Variants in OIP5 observed in about 807,000 individuals in gnomAD.
OIP5 encodes the protein Opa interacting protein 5.
OIP5 carries 24 observed loss-of-function variants against 20.3 expected under a neutral mutation model. The observed-to-expected ratio is 1.18, with a 90% confidence interval of 0.86 to 1.66. The LOEUF is 1.66. OIP5 is among the 40% of genes most tolerant of loss of function. OIP5 has a pLI of 0.00. For missense variants in OIP5, 339 were observed against 289.5 expected (o/e 1.17, Z -1.24); for synonymous variants, 143 against 121.3 (o/e 1.18, Z -1.17).
At chr15:41,310,825 CTGACTT>C (rs1296522642) in intron 4 of OIP5, among the ~76,000 whole-genome samples, 6 of 152,184 alleles carry the variant, frequency 3.9e-5, no homozygotes, top group African/African-American at 1.4e-4. Context: ...AAATGCCTCT[CTGACTT>C]TAACATTCTA....
Position 41,319,692 on chromosome 15 carries a change from C to A in OIP5, c.478G>T (p.Gly160Cys), listed in dbSNP as rs1447576551. 1 of 1,613,826 alleles carries A rather than the reference C, an allele frequency of 6.2e-7. No individual in the cohort carries two copies. Among genetic ancestry groups the A allele is most frequent in the Non-Finnish European group, 8.5e-7 (1 of 1,179,832 alleles). The change falls in exon 3 of 5, where the codon GGT becomes TGT. Residue 160 changes from glycine (G) to cysteine (C), a missense_variant. Coordinates refer to ENST00000220514, the MANE Select transcript of OIP5 (RefSeq NM_007280.2). ...STHAALAALRGHFCLSSDKMV... is the reference protein window; with the variant it reads ...STHAALAALRCHFCLSSDKMV... ...TTGTCACTGGAAAGGCAGAAGTGAC[C>A]TCTCAAGGCAGCCAGGGCAGCATGG...
Position 41,323,092 on chromosome 15 carries a change from A to G in OIP5, c.390-3312T>C, listed in dbSNP as rs1048095575. Among the ~76,000 whole-genome samples, 16 of 152,358 alleles carry G rather than the reference A, an allele frequency of 1.1e-4. No individual in the cohort carries two copies. In the East Asian group the frequency reaches 2.9e-3, roughly 28 times the overall value. ...GTAATCTTGTGAATATAGTTAACCA[A>G]AAAGCAAAATATGAAATAAAGTGTC... is the stretch of plus-strand genomic sequence containing the variant. On this transcript the variant is annotated intron_variant, in intron 2 of 4. Coordinates refer to ENST00000220514, the MANE Select transcript of OIP5 (RefSeq NM_007280.2).
rs188753893 is a variant in OIP5 at position 41,325,960 on chromosome 15, A to G, written c.389+5955T>C. Among the ~76,000 whole-genome samples, 568 of 152,238 alleles carry G rather than the reference A, an allele frequency of 3.7e-3. 2 individuals carry two copies. The highest frequency in any genetic ancestry group is 6.2e-3 in the South Asian group (30 of 4,826). On this transcript the variant is annotated intron_variant, in intron 2 of 4. Transcript: ENST00000220514. ...GCAGATCACTTGAGGTCAGGAGTTC[A>G]GGACCAGCATGGCCAACATGGCAAA...
At chr15:41,324,309 T>G (rs911462035) in intron 2 of OIP5, among the ~76,000 whole-genome samples, 4 of 151,802 alleles carry the variant, frequency 2.6e-5, no homozygotes, top group African/African-American at 9.7e-5. Context: ...TTTGATACTC[T>G]AAACTTCTTC....
At chr15:41,321,291 G>A (rs1220493017) in intron 2 of OIP5, among the ~76,000 whole-genome samples, 3 of 149,576 alleles carry the variant, frequency 2.0e-5, no homozygotes, top group Non-Finnish European at 4.5e-5. Flanking sequence ...TCCCGTCCTG[G>A]AGGGAGGTGG....
intron 2 of OIP5, among the ~76,000 whole-genome samples, chr15:41,328,412 G>C (rs1190139283): frequency 2.0e-5 from 3 of 152,064 alleles, no homozygotes; most frequent in African/African-American, 7.2e-5. Flanking sequence ...TTCTTCTCTC[G>C]GGTTTGAATT....
Position 41,309,637 on chromosome 15 carries a change from G to T in OIP5, c.*117C>A. On this transcript the variant is annotated 3_prime_UTR_variant, in exon 5 of 5. Transcript: ENST00000220514. ...TGGAAAATCAGCCTAAAGGTAAATAGAAACTGCATTTCCCCTCCATTCTTG... is the reference window on the plus strand; with the variant it reads ...TGGAAAATCAGCCTAAAGGTAAATATAAACTGCATTTCCCCTCCATTCTTG... The T allele has an allele frequency of 1.6e-6, 1 of 639,242 alleles. No individual in the cohort carries two copies. Among genetic ancestry groups the T allele is most frequent in the Non-Finnish European group, 2.7e-6 (1 of 369,044 alleles). The allele number at this position is 639,242 out of a possible 1,614,324, so 39.6% of individuals were successfully genotyped here. A position where few individuals can be genotyped will look rare whatever the true frequency, so the allele number is the denominator to read the frequency against.
chr15:41,320,865 T>C (rs1302324127), intron 2 of OIP5, among the ~76,000 whole-genome samples: 3 of 149,902 alleles, frequency 2.0e-5, no homozygotes, highest in Non-Finnish European at 4.4e-5. Context: ...CGCCATCCCA[T>C]CTAGGAAGTG....
chr15:41,319,662 C>A lies in OIP5; in HGVS notation c.508G>T (p.Val170Leu), dbSNP rs2047810659. 1.9e-6 allele frequency: 3 copies of A among 1,612,940 alleles called. No individual in the cohort carries two copies. The highest frequency in any genetic ancestry group is 1.1e-5 in the South Asian group (1 of 90,902). ...GHFCLSSDKMVCYLLKTKAIV... is the reference protein window; with the variant it reads ...GHFCLSSDKMLCYLLKTKAIV... ...TCAATATCTAAGTCTACTCACCACA[C>A]CATTTTGTCACTGGAAAGGCAGAAG... The change falls in exon 3 of 5, where the codon GTG becomes TTG. Residue 170 changes from valine (V) to leucine (L), a missense_variant. Val to Leu is a conservative substitution (Grantham distance 32). Coordinates refer to ENST00000220514, the MANE Select transcript of OIP5 (RefSeq NM_007280.2).
intron 2 of OIP5, among the ~76,000 whole-genome samples, chr15:41,323,273 T>C (rs1231347017): frequency 6.6e-6 from 1 of 152,156 alleles, no homozygotes; most frequent in African/African-American, 2.4e-5. Context: ...TCACTTGAGA[T>C]CAGGAGTTTG....
chr15:41,312,979 A>G (rs1317850995), intron 4 of OIP5, among the ~76,000 whole-genome samples: 3 of 152,210 alleles, frequency 2.0e-5, no homozygotes, highest in Non-Finnish European at 2.9e-5. Context: ...CAGTTGAGCA[A>G]TTACAAGGTA....
At chr15:41,332,208 T>A (rs2047933130) in intron 1 of OIP5, 32 bp downstream of exon 1, 1 of 1,524,366 alleles carries the variant, frequency 6.6e-7, no homozygotes, top group Admixed American at 2.1e-5. Context: ...CGGGCTAGCC[T>A]CTGCCTTTCC....
intron 2 of OIP5, among the ~76,000 whole-genome samples, chr15:41,323,982 C>T: frequency 7.3e-6 from 1 of 137,144 alleles, no homozygotes; most frequent in Admixed American, 7.4e-5. Context: ...GAACCAACCT[C>T]TGCTTTTTTT....
chr15:41,331,918 CCTTTGAGTGAACCTT>C lies in OIP5; in HGVS notation c.371_385del (p.Glu124_Lys128del). The C allele has an allele frequency of 1.2e-6, 2 of 1,613,250 alleles. No individual in the cohort carries two copies. Among genetic ancestry groups the C allele is most frequent in the Non-Finnish European group, 1.7e-6 (2 of 1,179,224 alleles). ...CAATGTAATTATCAATACGTACCTG[CCTTTGAGTGAACCTT>C]CAATGCCAACTAGGAAGGGCGCTTC... On this transcript the variant is annotated inframe_deletion, in exon 2 of 5. Coordinates refer to ENST00000220514, the MANE Select transcript of OIP5 (RefSeq NM_007280.2).
At chr15:41,326,152 AC>A (rs1298918683) in intron 2 of OIP5, among the ~76,000 whole-genome samples, 2 of 152,182 alleles carry the variant, frequency 1.3e-5, no homozygotes, top group African/African-American at 4.8e-5. Flanking sequence ...ACAGAGTGTG[AC>A]TCCATCTCAA....
chr15:41,323,578 C>A (rs2047843145), intron 2 of OIP5, among the ~76,000 whole-genome samples: 1 of 152,116 alleles, frequency 6.6e-6, no homozygotes, highest in African/African-American at 2.4e-5. Flanking sequence ...TCAAGTGATC[C>A]TCCCACCTCA....
At chr15:41,323,356 T>C (rs1171615387) in intron 2 of OIP5, among the ~76,000 whole-genome samples, 1 of 152,034 alleles carries the variant, frequency 6.6e-6, no homozygotes, top group Admixed American at 6.6e-5. Context: ...TTCCAGAAGG[T>C]TTTTGATTTA....
chr15:41,312,028 AT>A, intron 4 of OIP5, among the ~76,000 whole-genome samples: 1 of 141,492 alleles, frequency 7.1e-6, no homozygotes, highest in Non-Finnish European at 1.6e-5. Context: ...CTAATTTTGT[AT>A]TTTTAGTAGA....
At chr15:41,321,399 G>A (rs535378908) in intron 2 of OIP5, among the ~76,000 whole-genome samples, 16 of 152,324 alleles carry the variant, frequency 1.1e-4, no homozygotes, top group African/African-American at 2.2e-4. Flanking sequence ...CCCTCTGCCC[G>A]GCCACCACCC....
Sources: gnomAD v4.1 joint callset for allele counts (sites outside exome capture counted in the v4.1 genomes callset) on GRCh38, gnomAD v4.1.1 for gene constraint, MANE v1.5 for transcripts, NCBI Gene and HGNC (gene_info 2026-07-23, HGNC 2026-07-21) for gene names.